The following RBM6 variants were observed in gnomAD, a reference collection of about 807,000 sequenced individuals.
RBM6 encodes RNA-binding protein 6.
Under a neutral mutation model 140.4 loss-of-function variants are expected in RBM6, and 23 were observed. That is an observed-to-expected ratio of 0.16 (90% CI 0.12 to 0.23). The LOEUF (loss-of-function observed/expected upper bound fraction) is 0.23, where lower values mean the gene tolerates loss of function less well. RBM6 is among the 10% of genes least tolerant of loss of function. The pLI is 1.00. For synonymous variants in RBM6, 439 were observed against 475.6 expected (o/e 0.92, Z 1.00); for missense variants, 1,139 against 1,386.7 (o/e 0.82, Z 2.84).
At chr3:49,960,818 A>G (rs563740246) in intron 1 of RBM6, among the ~76,000 whole-genome samples, 3 of 152,130 alleles carry the variant, frequency 2.0e-5, no homozygotes, top group Admixed American at 6.6e-5. Context: ...AGGAAGGGCT[A>G]GTGAGCGCTA....
At position 50,062,012 on chromosome 3, in the gene RBM6, C is replaced by T. The variant is rs1802396; in HGVS notation, c.2490C>T (p.Ile830=). The stretch of plus-strand genomic sequence containing the variant: ...CTGGATTACCTGAGGAAGAAGAGAT[C>T]AAGGAAAAAAAACCCACCAGTCAAG... ...QDPGLPEEEE[I]KEKKPTSQGK... Residue 830 remains isoleucine, a synonymous_variant, in exon 15 of 21, where the codon ATC becomes ATT. Transcript: ENST00000266022. 1.2e-6 allele frequency: 2 copies of T among 1,612,434 alleles called. No individual in the cohort carries two copies. Among genetic ancestry groups the T allele is most frequent in the Non-Finnish European group, 1.7e-6 (2 of 1,179,536 alleles).
In RBM6 at chr3:50,022,888, C is replaced by A. The variant is rs146963975; in HGVS notation, c.1557+23375C>A. Among the ~76,000 whole-genome samples, 447 of 152,122 alleles carry A rather than the reference C, an allele frequency of 2.9e-3. 6 individuals are homozygous for A. Among genetic ancestry groups the A allele is most frequent in the East Asian group, 0.014 (73 of 5,176 alleles). ...CTGAGGTGGGCTGATCACTTGAGCC[C>A]AGGAGTTCAAGACCAGCCTGGGCAA... On this transcript the variant is annotated intron_variant, in intron 6 of 20. Coordinates refer to ENST00000266022, the MANE Select transcript of RBM6 (RefSeq NM_005777.3).
chr3:49,953,770 T>C (rs780497291), intron 1 of RBM6, among the ~76,000 whole-genome samples: 8 of 151,974 alleles, frequency 5.3e-5, no homozygotes, highest in Non-Finnish European at 7.4e-5. Context: ...TCTGCCCGCA[T>C]CAGCCTCCCA....
intron 1 of RBM6, among the ~76,000 whole-genome samples, chr3:49,960,938 C>T (rs2084252752): frequency 6.7e-6 from 1 of 148,584 alleles, no homozygotes; most frequent in Non-Finnish European, 1.5e-5. Flanking sequence ...TTGAGACAGC[C>T]TCACTCTGTT....
intron 15 of RBM6, among the ~76,000 whole-genome samples, chr3:50,063,474 A>G (rs1373743279): frequency 4.6e-5 from 7 of 151,924 alleles, no homozygotes; most frequent in African/African-American, 1.7e-4. Context: ...GTGGTGATGC[A>G]TGCCTGTAGT....
At chr3:50,048,958 TCAC>T (rs1186992692) in intron 7 of RBM6, among the ~76,000 whole-genome samples, 1 of 149,250 alleles carries the variant, frequency 6.7e-6, no homozygotes, top group African/African-American at 2.5e-5. Flanking sequence ...ACTTGCCACC[TCAC>T]CTGCCTGATT....
intron 5 of RBM6, among the ~76,000 whole-genome samples, chr3:49,993,254 A>G (rs1575634199): frequency 6.6e-6 from 1 of 152,338 alleles, no homozygotes; most frequent in East Asian, 1.9e-4. Context: ...TGGCCCTGCG[A>G]TTAATTTTGG....
At chr3:49,999,849 C>T (rs914749891) in intron 6 of RBM6, among the ~76,000 whole-genome samples, 78 of 152,042 alleles carry the variant, frequency 5.1e-4, no homozygotes, top group African/African-American at 1.7e-3. Context: ...AAGAATGATC[C>T]TTGATTGTCT....
At chr3:49,976,600 CT>C (rs1334085039) in intron 5 of RBM6, among the ~76,000 whole-genome samples, 1 of 152,134 alleles carries the variant, frequency 6.6e-6, no homozygotes, top group Admixed American at 6.6e-5. Flanking sequence ...GCTGGAGATG[CT>C]TTTTAACTCT....
chr3:50,074,204 G>T (rs982273861), intron 19 of RBM6, among the ~76,000 whole-genome samples: 4 of 152,098 alleles, frequency 2.6e-5, no homozygotes, highest in African/African-American at 9.7e-5. Context: ...CCTTGCTTGT[G>T]TCCTCCTTTT....
At chr3:50,003,528 C>A (rs1036847077) in intron 6 of RBM6, among the ~76,000 whole-genome samples, 1 of 152,108 alleles carries the variant, frequency 6.6e-6, no homozygotes, top group African/African-American at 2.4e-5. Flanking sequence ...TTTTATTTAT[C>A]ATTGGCTGGT....
intron 4 of RBM6, among the ~76,000 whole-genome samples, chr3:49,974,054 C>T (rs547879053): frequency 2.6e-5 from 4 of 152,040 alleles, no homozygotes; most frequent in East Asian, 2.0e-4. Context: ...TGTGCCACCA[C>T]GCCCGGCTAA....
chr3:50,026,209 C>T (rs1399013405), intron 6 of RBM6, among the ~76,000 whole-genome samples: 1 of 151,298 alleles, frequency 6.6e-6, no homozygotes, highest in Non-Finnish European at 1.5e-5. Context: ...CTCAGCCTTC[C>T]GAGTAGCTGG....
chr3:49,952,507 T>G (rs1415775083), intron 1 of RBM6, among the ~76,000 whole-genome samples: 5 of 151,858 alleles, frequency 3.3e-5, no homozygotes, highest in Admixed American at 2.6e-4. Context: ...CCTTTGTTTT[T>G]TTTTTTTTTT....
intron 6 of RBM6, among the ~76,000 whole-genome samples, chr3:50,041,084 C>A (rs2088892783): frequency 6.6e-6 from 1 of 152,178 alleles, no homozygotes; most frequent in Non-Finnish European, 1.5e-5. Flanking sequence ...TTGCTGGCGT[C>A]ATATAGTCTA....
intron 18 of RBM6, among the ~76,000 whole-genome samples, chr3:50,069,503 G>A (rs1182255708): frequency 3.8e-5 from 4 of 105,404 alleles, no homozygotes; most frequent in East Asian, 3.6e-4. Flanking sequence ...GCCAGACCTT[G>A]TCTCAAAAAA....
At chr3:50,047,078 A>T in intron 6 of RBM6, 2 of 743,452 alleles carry the variant, frequency 2.7e-6, no homozygotes, top group Non-Finnish European at 3.3e-6. Flanking sequence ...AGACCTAGGT[A>T]GATGGGCAAT....
intron 19 of RBM6, among the ~76,000 whole-genome samples, chr3:50,072,991 T>C (rs2090351945): frequency 6.6e-6 from 1 of 152,222 alleles, no homozygotes; most frequent in Non-Finnish European, 1.5e-5. Flanking sequence ...CTTCTCTCAG[T>C]GCTTCTTTGG....
rs1196432107 is a variant in RBM6 at position 50,068,740 on chromosome 3, C to T, written c.2994C>T (p.Ala998=). Residue 998 remains alanine (A), a synonymous_variant, in exon 18 of 21, where the codon GCC becomes GCT. Transcript: ENST00000266022. The part of the protein sequence containing the change: ...RKIKQSEQEL[A]YLERREREGK... The stretch of plus-strand genomic sequence containing the variant: ...TAAAACAGTCTGAGCAGGAGCTAGC[C>T]TATCTGGAAAGGAGAGAACGAGAGG... 1 of 1,614,030 alleles carries T rather than the reference C, an allele frequency of 6.2e-7. No individual in the cohort carries two copies. The highest frequency in any genetic ancestry group is 8.5e-7 in the Non-Finnish European group (1 of 1,180,016).
Sources: allele counts gnomAD v4.1 joint callset (sites outside exome capture counted in the v4.1 genomes callset), GRCh38; gene constraint gnomAD v4.1.1; transcripts MANE v1.5; gene names NCBI Gene and HGNC (gene_info 2026-07-23, HGNC 2026-07-21).